PKD1L1: variants seen among roughly 807,000 people sequenced by gnomAD.
PKD1L1 encodes the protein polycystin 1 like 1, transient receptor potential channel interacting.
PKD1L1 carries 236 observed loss-of-function variants against 323.4 expected under a neutral mutation model. That is an observed-to-expected ratio of 0.73 (90% CI 0.66 to 0.81). PKD1L1 has a LOEUF of 0.81. Ranked by LOEUF, PKD1L1 falls within the 40% of genes least tolerant of loss-of-function variation. The pLI is 0.00. For missense variants in PKD1L1, 3,320 were observed against 3,508.0 expected (o/e 0.95, Z 1.35); for synonymous variants, 1,344 against 1,335.0 (o/e 1.01, Z -0.15).
intron 17 of PKD1L1, 126 bp from the exon 18 acceptor site, chr7:47,886,180 A>C (rs1786680590): frequency 7.9e-7 from 1 of 1,268,896 alleles, no homozygotes; most frequent in South Asian, 1.6e-5. Context: ...GAAAACCTAC[A>C]CTTAAGAGAT....
intron 7 of PKD1L1, among the ~76,000 whole-genome samples, chr7:47,926,985 G>A (rs1787667125): frequency 6.6e-6 from 1 of 152,204 alleles, no homozygotes; most frequent in South Asian, 2.1e-4. Flanking sequence ...TCAGGAAACA[G>A]TCAAATGGAA....
intron 21 of PKD1L1, among the ~76,000 whole-genome samples, chr7:47,880,284 A>ATATT (rs1225214936): frequency 4.6e-4 from 26 of 56,764 alleles, no homozygotes; most frequent in South Asian, 2.9e-3. Context: ...ATATATATAT[A>ATATT]TTTTTTTTTT....
the PKD1L1 span, among the ~76,000 whole-genome samples, chr7:47,959,367 AG>A: frequency 9.8e-5 from 14 of 142,384 alleles, no homozygotes; most frequent in East Asian, 1.9e-3. Flanking sequence ...CATCCCATCT[AG>A]GAAGTGAGGA....
intron 4 of PKD1L1, among the ~76,000 whole-genome samples, chr7:47,936,637 C>T (rs958352232): frequency 5.9e-5 from 9 of 152,148 alleles, no homozygotes; most frequent in Non-Finnish European, 1.2e-4. Context: ...TCCCAGCATT[C>T]GGGGGTTTGT....
chr7:47,843,647 G>A (rs955155268), intron 33 of PKD1L1, among the ~76,000 whole-genome samples: 2 of 152,190 alleles, frequency 1.3e-5, no homozygotes, highest in Admixed American at 1.3e-4. Flanking sequence ...CGCCCCTGTG[G>A]ATGGTGCTGC....
chr7:47,895,547 C>T (rs1054390943), intron 14 of PKD1L1, among the ~76,000 whole-genome samples: 3 of 152,150 alleles, frequency 2.0e-5, no homozygotes, highest in Admixed American at 6.5e-5. Context: ...TGCATTATCA[C>T]ATATTCACAG....
intron 56 of PKD1L1, 74 bp from the exon 57 acceptor site, chr7:47,775,240 A>G: frequency 6.3e-7 from 1 of 1,581,800 alleles, no homozygotes; most frequent in East Asian, 2.2e-5. Flanking sequence ...ATAGGCAGAA[A>G]GGCAGCAAGT....
At chr7:47,775,289 C>A in intron 56 of PKD1L1, 123 bp from the exon 57 acceptor site, 2 of 1,027,876 alleles carry the variant, frequency 1.9e-6, no homozygotes, top group Non-Finnish European at 1.4e-6. Context: ...CTAACTTGAC[C>A]AAGGTGACAT....
At chr7:47,955,369 C>A in the PKD1L1 span, among the ~76,000 whole-genome samples, 1 of 152,088 alleles carries the variant, frequency 6.6e-6, no homozygotes, top group Non-Finnish European at 1.5e-5. Flanking sequence ...TATTTAGTCC[C>A]TTAAAAATAA....
intron 8 of PKD1L1, among the ~76,000 whole-genome samples, chr7:47,914,799 G>A (rs1277828341): frequency 6.6e-6 from 1 of 151,714 alleles, no homozygotes; most frequent in African/African-American, 2.4e-5. Context: ...TGGTGGGTGG[G>A]GTGTGGTTAT....
At chr7:47,877,449 T>C in intron 22 of PKD1L1, 40 bp downstream of exon 22, 1 of 1,608,570 alleles carries the variant, frequency 6.2e-7, no homozygotes, top group Non-Finnish European at 8.5e-7. Flanking sequence ...GATGCCACTG[T>C]CGGGGGTCTC....
upstream of PKD1L1, among the ~76,000 whole-genome samples, chr7:47,952,609 A>G (rs1788220147): frequency 6.6e-6 from 1 of 152,168 alleles, no homozygotes; most frequent in South Asian, 2.1e-4. Flanking sequence ...TCTCTGAGAT[A>G]AGTATGTCCT....
At chr7:47,917,060 T>C (rs1327511907) in intron 7 of PKD1L1, among the ~76,000 whole-genome samples, 2 of 152,054 alleles carry the variant, frequency 1.3e-5, no homozygotes, top group African/African-American at 4.8e-5. Context: ...AAGCCCAGTG[T>C]AAGGAAATCC....
At chr7:47,871,836 A>C (rs1331866920) in intron 24 of PKD1L1, among the ~76,000 whole-genome samples, 3 of 152,142 alleles carry the variant, frequency 2.0e-5, no homozygotes, top group Non-Finnish European at 4.4e-5. Flanking sequence ...GTGGTGAAAG[A>C]CTGAATGCTT....
chr7:47,900,007 G>A (rs917134954), intron 13 of PKD1L1, among the ~76,000 whole-genome samples: 3 of 151,444 alleles, frequency 2.0e-5, no homozygotes, highest in African/African-American at 7.3e-5. Context: ...TGAGAAATGG[G>A]ATTTTAAGAA....
chr7:47,813,455 C>T (rs137923604), intron 48 of PKD1L1, 162 bp from the exon 49 acceptor site: 14 of 793,066 alleles, frequency 1.8e-5, no homozygotes, highest in Non-Finnish European at 3.0e-5. Flanking sequence ...TCGTGGTCTA[C>T]AGACTCTAGC....
At chr7:47,794,513 CAGA>C (rs1323041574) in intron 55 of PKD1L1, among the ~76,000 whole-genome samples, 3 of 152,318 alleles carry the variant, frequency 2.0e-5, no homozygotes, top group South Asian at 4.1e-4. Context: ...GCCTAGATTT[CAGA>C]AGATGTATGG....
intron 26 of PKD1L1, 102 bp downstream of exon 26, chr7:47,865,113 AG>A: frequency 1.3e-6 from 1 of 782,634 alleles, no homozygotes; most frequent in South Asian, 1.7e-5. Context: ...TTCTAATCTA[AG>A]TGTCAAACTA....
intron 56 of PKD1L1, among the ~76,000 whole-genome samples, chr7:47,775,916 T>A (rs1786558504): frequency 6.6e-6 from 1 of 150,412 alleles, no homozygotes; most frequent in Admixed American, 6.6e-5. Flanking sequence ...TAACAACATA[T>A]CAAAGACACA....
Sources: gnomAD v4.1 joint callset for allele counts (sites outside exome capture counted in the v4.1 genomes callset) on GRCh38, gnomAD v4.1.1 for gene constraint, MANE v1.5 for transcripts, NCBI Gene and HGNC (gene_info 2026-07-23, HGNC 2026-07-21) for gene names.